The following ZHX3 variants were observed in gnomAD, a reference collection of about 807,000 sequenced individuals.
ZHX3 encodes the protein zinc fingers and homeoboxes protein 3.
A neutral mutation model predicts 64.5 loss-of-function variants in ZHX3; 20 were observed. The observed-to-expected ratio is 0.31, with a 90% CI of 0.22 to 0.45. The LOEUF (loss-of-function observed/expected upper bound fraction) is 0.45. ZHX3 is among the 20% of genes least tolerant of loss of function. ZHX3 has a pLI of 1.00. For synonymous variants in ZHX3, 423 were observed against 461.6 expected (o/e 0.92, Z 1.07); for missense variants, 1,041 against 1,195.8 (o/e 0.87, Z 1.91).
chr20:41,294,362 T>C (rs920689332), intron 1 of ZHX3, among the ~76,000 whole-genome samples: 1 of 152,160 alleles, frequency 6.6e-6, no homozygotes, highest in Non-Finnish European at 1.5e-5. Context: ...AGTAATAGTT[T>C]GTTGTTGTTG....
At chr20:41,245,131 ATT>A (rs1410666760) in intron 2 of ZHX3, among the ~76,000 whole-genome samples, 1 of 152,242 alleles carries the variant, frequency 6.6e-6, no homozygotes, top group African/African-American at 2.4e-5. Context: ...CTGAGTGTCA[ATT>A]CTGGGCAAGG....
rs770400944 is a variant in ZHX3 at position 41,202,183 on chromosome 20, C to T, written c.2734G>A (p.Val912Ile). The T allele has an allele frequency of 2.5e-6, 4 of 1,614,194 alleles. No homozygotes were observed. Among genetic ancestry groups the T allele is most frequent in the Non-Finnish European group, 3.4e-6 (4 of 1,180,028 alleles). The change falls in exon 3 of 4, where the codon GTT (valine) becomes ATT (isoleucine). Residue 912 changes from valine (V) to isoleucine (I), a missense_variant. Physicochemically the swap from Val to Ile is conservative, Grantham distance 29. This residue lies in a region of ZHX3 where 649 missense variants were observed against 739.8 expected (regional missense o/e 0.88). Coordinates refer to ENST00000683867, the MANE Select transcript of ZHX3 (RefSeq NM_001384317.1). This position sits in a 1 kb window ranked among gnomAD's most constrained non-coding sequence, Gnocchi z 7.0. ...QGPGTGELTA[V>I]HKGMGDTYSE... Reference sequence around the variant, plus strand: ...TAGGTGTCACCCATCCCTTTGTGAACTGCTGTGAGCTCACCAGTACCAGGG... The same window carrying T: ...TAGGTGTCACCCATCCCTTTGTGAATTGCTGTGAGCTCACCAGTACCAGGG...
chr20:41,202,595 C>G lies in ZHX3; in HGVS notation c.2322G>C (p.Gln774His). 1 of 1,613,944 alleles carries G rather than the reference C, an allele frequency of 6.2e-7. No individual in the cohort carries two copies. The highest frequency in any genetic ancestry group is 1.1e-5 in the South Asian group (1 of 91,082). Residue 774 changes from glutamine to histidine, a missense_variant, in exon 3 of 4, where the codon CAG (glutamine) becomes CAC (histidine). Around this residue, in one of 4 missense-constraint regions of ZHX3, gnomAD observed 649 missense variants for 739.8 expected, o/e 0.88. Coordinates refer to ENST00000683867, the MANE Select transcript of ZHX3 (RefSeq NM_001384317.1). This position sits in a 1 kb window ranked among gnomAD's most constrained non-coding sequence, Gnocchi z 7.0. Reference protein sequence around the residue: ...PGKVSCKKTAQQRHLLRQLFV... With the variant: ...PGKVSCKKTAHQRHLLRQLFV... The stretch of plus-strand genomic sequence containing the variant: ...AGAGCTGCCGCAGCAAGTGCCGCTG[C>G]TGGGCAGTCTTTTTGCAGCTCACTT...
intron 1 of ZHX3, among the ~76,000 whole-genome samples, chr20:41,294,338 C>T (rs2146766692): frequency 6.6e-6 from 1 of 152,238 alleles, no homozygotes; most frequent in Middle Eastern, 3.4e-3. Flanking sequence ...TAAATGATGT[C>T]TAAGTTCTCA....
chr20:41,231,940 T>C lies in ZHX3; in HGVS notation c.-150-26874A>G, dbSNP rs972918461. On this transcript the variant is annotated intron_variant, in intron 2 of 3. Coordinates refer to ENST00000683867, the MANE Select transcript of ZHX3 (RefSeq NM_001384317.1). ...TGGTAAAGCACCTCCTAATGGTTAA[T>C]GATAGTGATTGGCCTGGAGATGTGG... Among the ~76,000 whole-genome samples, 71 of 152,198 alleles carry C rather than the reference T, an allele frequency of 4.7e-4. 2 individuals carry two copies. The highest frequency in any genetic ancestry group is 4.6e-3 in the Admixed American group (71 of 15,290).
At chr20:41,312,404 C>A (rs2045167174) in intron 1 of ZHX3, among the ~76,000 whole-genome samples, 1 of 152,162 alleles carries the variant, frequency 6.6e-6, no homozygotes. Flanking sequence ...TTTCGCTCTT[C>A]ACAATAAATC....
chr20:41,234,388 A>G (rs1174292756), intron 2 of ZHX3, among the ~76,000 whole-genome samples: 1 of 152,190 alleles, frequency 6.6e-6, no homozygotes, highest in Non-Finnish European at 1.5e-5. Context: ...ACCTTTGTCT[A>G]TCTAGTTCAC....
intron 2 of ZHX3, among the ~76,000 whole-genome samples, chr20:41,222,824 T>A (rs1422457204): frequency 6.6e-6 from 1 of 151,994 alleles, no homozygotes; most frequent in Non-Finnish European, 1.5e-5. Context: ...TTAATTGAAA[T>A]TTTCCAGTGT....
rs1600439548 is a variant in ZHX3, at chr20:41,232,848, G to A, written c.-150-27782C>T. On this transcript the variant is annotated intron_variant, in intron 2 of 3. Coordinates refer to ENST00000683867, the MANE Select transcript of ZHX3 (RefSeq NM_001384317.1). This position sits in a 1 kb window ranked among gnomAD's most constrained non-coding sequence, Gnocchi z 5.0. ...GATCCCCCCGCCTCGGCCTCCCAAA[G>A]TGCTGGGATTACAGGCATGAGCCAC... 6.6e-6 allele frequency among the ~76,000 whole-genome samples: 1 copy of A among 152,074 alleles called. No homozygotes were observed. Among genetic ancestry groups the A allele is most frequent in the South Asian group, 2.1e-4 (1 of 4,830 alleles).
At chr20:41,296,141 TG>T (rs1252119825) in intron 1 of ZHX3, among the ~76,000 whole-genome samples, 12 of 151,506 alleles carry the variant, frequency 7.9e-5, no homozygotes, top group African/African-American at 2.9e-4. Flanking sequence ...GAGTCTATTT[TG>T]CTTTTCACCT....
chr20:41,248,248 G>C (rs1235043412), intron 2 of ZHX3, among the ~76,000 whole-genome samples: 1 of 151,900 alleles, frequency 6.6e-6, no homozygotes, highest in Non-Finnish European at 1.5e-5. Context: ...AGTCTGTCCA[G>C]AACTGTGTCT....
At chr20:41,262,280 T>C (rs1031965345) in intron 2 of ZHX3, among the ~76,000 whole-genome samples, 1 of 152,204 alleles carries the variant, frequency 6.6e-6, no homozygotes, top group Admixed American at 6.5e-5. Context: ...ACTCCCTTGC[T>C]TTAAACCCTC....
rs891644176 is a variant in ZHX3 at position 41,224,884 on chromosome 20, T to G, written c.-150-19818A>C. 1.3e-5 allele frequency among the ~76,000 whole-genome samples: 2 copies of G among 152,258 alleles called. No individual in the cohort carries two copies. The highest frequency in any genetic ancestry group is 4.8e-5 in the African/African-American group (2 of 41,476). Reference sequence around the variant, plus strand: ...TTATTCTCTATCACAGCATCCTAATTGTTTCTTTCATAACATTTATCAAAA... The same window carrying G: ...TTATTCTCTATCACAGCATCCTAATGGTTTCTTTCATAACATTTATCAAAA... On this transcript the variant is annotated intron_variant, in intron 2 of 3. Transcript: ENST00000683867. The surrounding 1 kb of genome is among the most constrained non-coding windows in gnomAD (Gnocchi z 5.2).
intron 2 of ZHX3, among the ~76,000 whole-genome samples, chr20:41,225,263 T>C (rs2040189329): frequency 1.3e-5 from 2 of 152,166 alleles, no homozygotes; most frequent in African/African-American, 2.4e-5. Context: ...CACAAAATGA[T>C]TTAGCATGCT....
chr20:41,291,629 G>A (rs752058176), intron 1 of ZHX3, among the ~76,000 whole-genome samples: 3 of 151,496 alleles, frequency 2.0e-5, no homozygotes, highest in Non-Finnish European at 2.9e-5. Flanking sequence ...GTGTGTATAC[G>A]TATACACACA....
chr20:41,309,924 T>C (rs1055269606), intron 1 of ZHX3, among the ~76,000 whole-genome samples: 1 of 152,162 alleles, frequency 6.6e-6, no homozygotes, highest in Admixed American at 6.5e-5. Flanking sequence ...CAGGAATCTG[T>C]CATGCCCAGT....
At chr20:41,285,390 G>A (rs6129800) in intron 1 of ZHX3, among the ~76,000 whole-genome samples, 39,333 of 152,090 alleles carry the variant, frequency 0.26, 5,905 homozygotes, top group East Asian at 0.74. Context: ...TAATGTTGGT[G>A]TTAGGAAGCC....
In ZHX3 at chr20:41,232,987, C is replaced by T. The variant is rs965940855; in HGVS notation, c.-150-27921G>A. ...AGGCTGGTCTTAGGGTTCGTTTAAT[C>T]GCTACATCCATCTTTATCAAGCACC... On this transcript the variant is annotated intron_variant, in intron 2 of 3. Transcript: ENST00000683867. This position sits in a 1 kb window ranked among gnomAD's most constrained non-coding sequence, Gnocchi z 5.0. Among the ~76,000 whole-genome samples the T allele has an allele frequency of 1.9e-4, 29 of 152,184 alleles. No homozygotes were observed. The highest frequency in any genetic ancestry group is 6.8e-4 in the African/African-American group (28 of 41,452).
Position 41,219,574 on chromosome 20 carries a change from A to T in ZHX3, c.-150-14508T>A, listed in dbSNP as rs2039798587. Among the ~76,000 whole-genome samples the T allele has an allele frequency of 6.6e-6, 1 of 152,220 alleles. No individual in the cohort carries two copies. Among genetic ancestry groups the T allele is most frequent in the South Asian group, 2.1e-4 (1 of 4,836 alleles). ...ACAACAAAACCTTCCTATAAGTTTTATTTGCTAAATTTGTTTTTTCTCTCA... is the reference window on the plus strand; with the variant it reads ...ACAACAAAACCTTCCTATAAGTTTTTTTTGCTAAATTTGTTTTTTCTCTCA... On this transcript the variant is annotated intron_variant, in intron 2 of 3. Transcript: ENST00000683867. This position sits in a 1 kb window ranked among gnomAD's most constrained non-coding sequence, Gnocchi z 5.0.
Sources: gnomAD v4.1 joint callset for allele counts (sites outside exome capture counted in the v4.1 genomes callset) on GRCh38, gnomAD v4.1.1 for gene constraint, gnomAD v4.1.1 regional missense constraint, Gnocchi (gnomAD v3.1) non-coding constraint, MANE v1.5 for transcripts, NCBI Gene and HGNC (gene_info 2026-07-23, HGNC 2026-07-21) for gene names.